The following ARSF variants were observed in gnomAD, a reference collection of about 807,000 sequenced individuals.
ARSF encodes the protein arylsulfatase F.
ARSF carries 33 observed loss-of-function variants against 35.4 expected under a neutral mutation model. The ratio of observed to expected loss-of-function variants is 0.93; its 90% CI spans 0.71 to 1.25. The LOEUF (loss-of-function observed/expected upper bound fraction) is 1.25, where lower values mean the gene tolerates loss of function less well. ARSF is among the 50% of genes most tolerant of loss of function. ARSF has a pLI of 0.00. For synonymous variants in ARSF, 222 were observed against 193.1 expected (o/e 1.15, Z -1.24); for missense variants, 501 against 480.2 (o/e 1.04, Z -0.40).
At chrX:3,044,860 G>A (rs774651540) in intron 1 of ARSF, among the ~76,000 whole-genome samples, 4 of 109,990 alleles carry the variant, frequency 3.6e-5, no homozygotes, top group African/African-American at 9.9e-5. Flanking sequence ...GCAGAGAAAC[G>A]AGGTCAGCTG....
At chrX:3,078,836 T>C (rs1336770058) in intron 4 of ARSF, among the ~76,000 whole-genome samples, 2 of 111,278 alleles carry the variant, frequency 1.8e-5, no homozygotes, top group Non-Finnish European at 3.8e-5. Context: ...TTCAGTAGCA[T>C]GTAGCTCTTT....
chrX:3,092,478 G>A (rs761629537), intron 7 of ARSF, among the ~76,000 whole-genome samples: 2 of 112,126 alleles, frequency 1.8e-5, no homozygotes, highest in African/African-American at 6.5e-5. Context: ...GTGTCATAGT[G>A]TTCAAACAAG....
rs145176470 is a variant in ARSF, at chrX:3,091,665, A to G, written c.967+2033A>G. The stretch of plus-strand genomic sequence containing the variant: ...AATATAAATAATATTCAAACCAAAT[A>G]CATGAACATGAATAGATGTTTATGT... On this transcript the variant is annotated intron_variant, in intron 7 of 10. Transcript: ENST00000381127. Among the ~76,000 whole-genome samples, 89 of 112,485 alleles carry G rather than the reference A, an allele frequency of 7.9e-4. No homozygotes were observed. The East Asian group carries it at 0.017, about 22-fold the overall frequency.
At position 3,060,529 on chromosome X, in the gene ARSF, A is replaced by G. The variant is rs144507826; in HGVS notation, c.-28-7544A>G. On this transcript the variant is annotated intron_variant, in intron 1 of 10. Transcript: ENST00000381127. ...AACAAACTTCTCCGAGCTAAAGGAA[A>G]TGTTCAAACCCATCGCAAGGACGCT... Among the ~76,000 whole-genome samples the G allele has an allele frequency of 9.4e-3, 1,048 of 111,736 alleles. 16 individuals carry two copies. The highest frequency in any genetic ancestry group is 0.032 in the African/African-American group (997 of 30,762).
chrX:3,092,302 A>C (rs1258598409), intron 7 of ARSF, among the ~76,000 whole-genome samples: 5 of 111,685 alleles, frequency 4.5e-5, no homozygotes, highest in African/African-American at 6.5e-5. Context: ...TTAATATTGC[A>C]CTCAATCTCA....
chrX:3,108,335 C>A (rs1341955826), intron 9 of ARSF, among the ~76,000 whole-genome samples: 1 of 112,117 alleles, frequency 8.9e-6, no homozygotes, highest in South Asian at 3.7e-4. Context: ...TCAACATAAA[C>A]CTTTCTGAAA....
chrX:3,067,007 G>T (rs1317511532), intron 1 of ARSF: 3 of 107,947 alleles, frequency 2.8e-5, no homozygotes, highest in Non-Finnish European at 3.8e-5. Context: ...ATCAGCTTAG[G>T]CACTGAGAAA....
intron 4 of ARSF, among the ~76,000 whole-genome samples, chrX:3,078,393 G>C (rs1429948479): frequency 9.0e-6 from 1 of 110,661 alleles, no homozygotes; most frequent in Non-Finnish European, 1.9e-5. Flanking sequence ...TGTTCCCCAG[G>C]CTGGTCTCGA....
At chrX:3,057,218 AGTTT>A (rs1186100344) in intron 1 of ARSF, among the ~76,000 whole-genome samples, 4 of 110,407 alleles carry the variant, frequency 3.6e-5, no homozygotes, top group Non-Finnish European at 5.6e-5. Context: ...AGCAAAAAAA[AGTTT>A]GTTTGTTTTG....
At chrX:3,076,744 A>G in intron 4 of ARSF, 75 bp downstream of exon 4, 2 of 1,151,497 alleles carry the variant, frequency 1.7e-6, no homozygotes, top group Non-Finnish European at 2.3e-6. Context: ...TGGCTTGACC[A>G]CGTTAACAAG....
At position 3,110,823 on chromosome X, in the gene ARSF, A is replaced by G. The variant is rs767115872; in HGVS notation, c.1390+571A>G. ...TGAGGCGGTAGAATCACTTGAACCC[A>G]GGAGGCAGAGGTTGCAGTGAGCTGA... On this transcript the variant is annotated intron_variant, in intron 10 of 10. Transcript: ENST00000381127. 4.5e-5 allele frequency among the ~76,000 whole-genome samples: 5 copies of G among 111,872 alleles called. No homozygotes were observed. The South Asian group carries it at 1.9e-3, about 43-fold the overall frequency.
At chrX:3,074,554 C>G (rs1034872753) in intron 3 of ARSF, among the ~76,000 whole-genome samples, 1 of 111,109 alleles carries the variant, frequency 9.0e-6, no homozygotes, top group African/African-American at 3.3e-5. Flanking sequence ...TTTTAATTGA[C>G]GAATTATAGT....
At chrX:3,099,960 A>G (rs2090364455) in intron 7 of ARSF, among the ~76,000 whole-genome samples, 1 of 112,242 alleles carries the variant, frequency 8.9e-6, no homozygotes, top group Admixed American at 9.5e-5. Flanking sequence ...GTTATCTGAG[A>G]TAACCAACAG....
intron 1 of ARSF, among the ~76,000 whole-genome samples, chrX:3,066,670 G>C (rs779276220): frequency 4.0e-4 from 45 of 111,730 alleles, no homozygotes; most frequent in Non-Finnish European, 7.3e-4. Context: ...TGTAGTAGGA[G>C]TTGCAAATGC....
chrX:3,044,370 G>A (rs1252654405), intron 1 of ARSF, among the ~76,000 whole-genome samples: 1 of 111,986 alleles, frequency 8.9e-6, no homozygotes, highest in African/African-American at 3.2e-5. Context: ...AGTGGCTCAT[G>A]TTACTCAGCC....
At chrX:3,053,704 G>A (rs1479075044) in intron 1 of ARSF, among the ~76,000 whole-genome samples, 1 of 108,321 alleles carries the variant, frequency 9.2e-6, no homozygotes, top group Non-Finnish European at 1.9e-5. Flanking sequence ...GAGTTCAAGC[G>A]ATTCTCTTGC....
At chrX:3,095,195 G>T (rs1298813915) in intron 7 of ARSF, among the ~76,000 whole-genome samples, 3 of 108,038 alleles carry the variant, frequency 2.8e-5, no homozygotes, top group Non-Finnish European at 5.7e-5. Flanking sequence ...TAAATTTTAA[G>T]ATATAAATAG....
At chrX:3,077,789 T>TTATTATTATTATTA (rs1555919573) in intron 4 of ARSF, among the ~76,000 whole-genome samples, 1 of 92,225 alleles carries the variant, frequency 1.1e-5, no homozygotes, top group East Asian at 3.7e-4. Flanking sequence ...TTTTATTTTA[T>TTATTATTATTATTA]TTATTATTAT....
intron 2 of ARSF, among the ~76,000 whole-genome samples, chrX:3,069,498 A>AT (rs200933814): frequency 0.028 from 3,064 of 108,564 alleles, 37 homozygotes; most frequent in Middle Eastern, 0.071. Context: ...TCATTTTTAC[A>AT]TTTTTTTGTA....
Sources: allele counts gnomAD v4.1 joint callset (sites outside exome capture counted in the v4.1 genomes callset), GRCh38; gene constraint gnomAD v4.1.1; transcripts MANE v1.5; gene names NCBI Gene and HGNC (gene_info 2026-07-23, HGNC 2026-07-21).